Variants in AGO2 observed in about 807,000 individuals in gnomAD.
AGO2 encodes the protein protein argonaute-2.
AGO2 carries 5 observed loss-of-function variants against 102.3 expected under a neutral mutation model. That is an observed-to-expected ratio of 0.05 (90% confidence interval 0.03 to 0.10). AGO2 has a LOEUF of 0.10. AGO2 is among the 10% of genes least tolerant of loss of function. The pLI, the probability that AGO2 is intolerant of heterozygous loss-of-function variation, is 1.00. For synonymous variants in AGO2, 449 were observed against 473.1 expected, an observed-to-expected ratio of 0.95 and a Z score of 0.66; for missense variants, 541 against 1,183.7, an observed-to-expected ratio of 0.46 and a Z score of 7.97.
At chr8:140,560,649 A>T in intron 4 of AGO2, 139 bp from the exon 5 acceptor site, 1 of 1,041,386 alleles carries the variant, frequency 9.6e-7, no homozygotes, top group South Asian at 1.6e-5. Context: ...CACGTTTACC[A>T]CACGGCACTC....
intron 1 of AGO2, among the ~76,000 whole-genome samples, chr8:140,622,146 C>T (rs1191828090): frequency 6.6e-6 from 1 of 152,242 alleles, no homozygotes; most frequent in Non-Finnish European, 1.5e-5. Context: ...AGTTCACTGG[C>T]TGTGTGGCTT....
chr8:140,606,238 C>A (rs1304207222), intron 1 of AGO2, among the ~76,000 whole-genome samples: 1 of 152,132 alleles, frequency 6.6e-6, no homozygotes, highest in African/African-American at 2.4e-5. Flanking sequence ...AGGAGGGGAC[C>A]CAGGGAGATG....
chr8:140,553,378 T>C (rs982230944), intron 10 of AGO2, among the ~76,000 whole-genome samples: 1 of 151,222 alleles, frequency 6.6e-6, no homozygotes, highest in Non-Finnish European at 1.5e-5. Context: ...AGAAACACTC[T>C]GCCTCAAACA....
chr8:140,635,546 G>T lies in AGO2; in HGVS notation c.-40C>A. ...GGGGCTCCGGGGCCGAGGGGCGGCC[G>T]CGCGCGCGCCACGGGCCCCGACGCC... On this transcript the variant is annotated 5_prime_UTR_variant, in exon 1 of 19. Transcript: ENST00000220592. 1 of 972,282 alleles carries T rather than the reference G, an allele frequency of 1.0e-6. No individual in the cohort carries two copies. Among genetic ancestry groups the T allele is most frequent in the South Asian group, 4.6e-5 (1 of 21,706 alleles). The allele number at this position is 972,282 out of a possible 1,614,324, so 60.2% of individuals were successfully genotyped here. A position where few individuals can be genotyped will look rare whatever the true frequency, so the allele number is the denominator to read the frequency against.
Position 140,573,464 on chromosome 8 carries a change from C to G in AGO2, c.216-532G>C, listed in dbSNP as rs116943080. Among the ~76,000 whole-genome samples, 325 of 152,262 alleles carry G rather than the reference C, an allele frequency of 2.1e-3. 8 individuals are homozygous for G. In the East Asian group the frequency reaches 0.053, roughly 25 times the overall value. Reference sequence around the variant, plus strand: ...AAATGCTGGAATTACAGGCGTGAGCCACCGCACCCAGCCCTCTGATGCTAT... The same window carrying G: ...AAATGCTGGAATTACAGGCGTGAGCGACCGCACCCAGCCCTCTGATGCTAT... On this transcript the variant is annotated intron_variant, in intron 2 of 18. Transcript: ENST00000220592.
At position 140,557,439 on chromosome 8, in the gene AGO2, G is replaced by A. The variant is rs530229479; in HGVS notation, c.879-203C>T. 3.0e-4 allele frequency among the ~76,000 whole-genome samples: 45 copies of A among 152,222 alleles called. 2 individuals carry two copies. Among genetic ancestry groups the A allele is most frequent in the African/African-American group, 1.1e-3 (44 of 41,544 alleles). ...ATTCTCATTTTGTTTCTGGAGTTGG[G>A]AAACAAAAAATACCTACATGCATCA... On this transcript the variant is annotated intron_variant, in intron 7 of 18. Coordinates refer to ENST00000220592, the MANE Select transcript of AGO2 (RefSeq NM_012154.5). The surrounding 1 kb of genome is among the most constrained non-coding windows in gnomAD (Gnocchi z 5.9).
At chr8:140,636,623 G>C (rs2074411961), upstream of AGO2, 1 of 152,186 alleles carries the variant, frequency 6.6e-6, no homozygotes, top group South Asian at 2.1e-4. Flanking sequence ...AGTTCTGACT[G>C]ACAGGAGCTC....
chr8:140,641,295 AACACACACACACACACACACACACAC>A, the AGO2 span, among the ~76,000 whole-genome samples: 1 of 146,980 alleles, frequency 6.8e-6, no homozygotes, highest in African/African-American at 2.5e-5. Context: ...GCTGTCTCAA[AACACACACACACACACACACACACAC>A]ACACACACAC....
At chr8:140,565,880 A>G (rs1406338290) in intron 3 of AGO2, among the ~76,000 whole-genome samples, 1 of 151,916 alleles carries the variant, frequency 6.6e-6, no homozygotes, top group African/African-American at 2.4e-5. Flanking sequence ...AGAGTTGGAG[A>G]CCAGCCTAGG....
At chr8:140,552,527 C>T (rs2073015781) in intron 10 of AGO2, among the ~76,000 whole-genome samples, 1 of 152,112 alleles carries the variant, frequency 6.6e-6, no homozygotes, top group South Asian at 2.1e-4. Flanking sequence ...AAGCATCTTT[C>T]GTACAAAATA....
upstream of AGO2, chr8:140,637,969 C>G (rs2074421240): frequency 6.6e-6 from 1 of 152,310 alleles, no homozygotes; most frequent in Admixed American, 6.5e-5. Flanking sequence ...GTGACTCAGC[C>G]GACTCTGGGT....
At chr8:140,614,273 G>A (rs2074115533) in intron 1 of AGO2, among the ~76,000 whole-genome samples, 1 of 152,060 alleles carries the variant, frequency 6.6e-6, no homozygotes, top group South Asian at 2.1e-4. Flanking sequence ...GCAGTGAGCC[G>A]AGATCGTGCC....
At chr8:140,568,287 G>GAAGAAAAA (rs1554705214) in intron 3 of AGO2, among the ~76,000 whole-genome samples, 3 of 132,074 alleles carry the variant, frequency 2.3e-5, no homozygotes, top group African/African-American at 9.2e-5. Flanking sequence ...ATGTCTGGGG[G>GAAGAAAAA]AAAAAAAAAA....
intron 17 of AGO2, among the ~76,000 whole-genome samples, chr8:140,535,091 A>T (rs2072672552): frequency 6.6e-6 from 1 of 152,180 alleles, no homozygotes; most frequent in South Asian, 2.1e-4. Context: ...AGTCTGCCCC[A>T]TGCGGCCCCT....
At chr8:140,544,812 G>A (rs550425614) in intron 13 of AGO2, among the ~76,000 whole-genome samples, 48 of 152,266 alleles carry the variant, frequency 3.2e-4, no homozygotes, top group Non-Finnish European at 6.0e-4. Context: ...ATGACCACGC[G>A]TCCCCTGGCA....
At chr8:140,636,117 C>T (rs990960773), upstream of AGO2, among the ~76,000 whole-genome samples, 2 of 151,908 alleles carry the variant, frequency 1.3e-5, no homozygotes, top group Non-Finnish European at 2.9e-5. Flanking sequence ...GGCCCCCAGC[C>T]TGGCTCTTTA....
At chr8:140,619,618 C>G (rs1357911137) in intron 1 of AGO2, among the ~76,000 whole-genome samples, 1 of 152,190 alleles carries the variant, frequency 6.6e-6, no homozygotes, top group Non-Finnish European at 1.5e-5. Flanking sequence ...TGGAAAGCAG[C>G]GATCCGACTG....
At chr8:140,541,625 C>T (rs1032861501) in intron 14 of AGO2, among the ~76,000 whole-genome samples, 4 of 152,130 alleles carry the variant, frequency 2.6e-5, no homozygotes, top group Non-Finnish European at 5.9e-5. Flanking sequence ...CAAAACAGGC[C>T]GGGTGCAGTG....
intron 11 of AGO2, among the ~76,000 whole-genome samples, chr8:140,550,461 A>AG: frequency 6.6e-6 from 1 of 152,328 alleles, no homozygotes; most frequent in South Asian, 2.1e-4. Context: ...GGGTGAGGGC[A>AG]GGCCCTTCCA....
Sources: allele counts gnomAD v4.1 joint callset (sites outside exome capture counted in the v4.1 genomes callset), GRCh38; gene constraint gnomAD v4.1.1; non-coding constraint Gnocchi (gnomAD v3.1); transcripts MANE v1.5; gene names NCBI Gene and HGNC (gene_info 2026-07-23, HGNC 2026-07-21).